Variants in GRAMD2B observed in about 807,000 individuals in gnomAD.
GRAMD2B encodes GRAM domain containing 2B.
GRAMD2B carries 41 observed loss-of-function variants against 59.2 expected under a neutral mutation model. The observed-to-expected ratio is 0.69, with a 90% CI of 0.54 to 0.90. The LOEUF (loss-of-function observed/expected upper bound fraction) is 0.90, where lower values mean the gene tolerates loss of function less well. GRAMD2B is among the 40% of genes least tolerant of loss of function. GRAMD2B has a pLI of 0.00. For synonymous variants in GRAMD2B, 161 were observed against 182.7 expected (o/e 0.88, Z 0.96); for missense variants, 424 against 500.5 (o/e 0.85, Z 1.46).
chr5:126,491,998 G>T (rs2126995431), intron 13 of GRAMD2B, among the ~76,000 whole-genome samples: 1 of 152,328 alleles, frequency 6.6e-6, no homozygotes, highest in East Asian at 1.9e-4. Flanking sequence ...CTCCCAAAGT[G>T]CTGGGATTAC....
At chr5:126,371,898 C>T (rs1387160667) in intron 1 of GRAMD2B, among the ~76,000 whole-genome samples, 1 of 152,086 alleles carries the variant, frequency 6.6e-6, no homozygotes, top group Non-Finnish European at 1.5e-5. Context: ...GAAAACAAAT[C>T]GTTGAACCCC....
upstream of GRAMD2B, among the ~76,000 whole-genome samples, chr5:126,419,912 G>T (rs559995952): frequency 2.0e-5 from 3 of 152,020 alleles, no homozygotes; most frequent in Admixed American, 2.0e-4. Context: ...AAAATTAGCT[G>T]GGCGTGGTGG....
chr5:126,477,756 A>C lies in GRAMD2B; in HGVS notation c.551A>C (p.Asn184Thr), dbSNP rs753268269. The C allele has an allele frequency of 6.2e-7, 1 of 1,611,934 alleles. No homozygotes were observed. The highest frequency in any genetic ancestry group is 1.3e-5 in the African/African-American group (1 of 74,818). The part of the protein sequence containing the change: ...KKTKTALLVP[N>T]ALIIATVTDR... ...ACCAAAACTGCTCTTCTAGTGCCAA[A>C]CGCCCTGATCATAGCAACAGTCACA... The change falls in exon 6 of 14, where the codon AAC becomes ACC. Residue 184 changes from asparagine (N) to threonine (T), a missense_variant. Coordinates refer to ENST00000285689, the MANE Select transcript of GRAMD2B (RefSeq NM_023927.4).
chr5:126,363,958 C>G (rs1449732458), intron 1 of GRAMD2B, among the ~76,000 whole-genome samples: 2 of 152,002 alleles, frequency 1.3e-5, no homozygotes, highest in Non-Finnish European at 2.9e-5. Context: ...ACACTTCGAA[C>G]AAGTGAACTT....
In GRAMD2B at chr5:126,464,898, T is replaced by TA. The variant is rs200636682; in HGVS notation, c.84-524dup. Among the ~76,000 whole-genome samples the TA allele has an allele frequency of 7.5e-3, 1,148 of 152,240 alleles. 6 individuals carry two copies. The highest frequency in any genetic ancestry group is 0.026 in the African/African-American group (1,081 of 41,540). On this transcript the variant is annotated intron_variant, in intron 1 of 13. Transcript: ENST00000285689. ...GCAAGAGCCTCAGATTCCTCATCTG[T>TA]AAAATGAGGGTAGTAATTCCTACCT...
At chr5:126,468,869 T>G (rs981329518) in intron 2 of GRAMD2B, among the ~76,000 whole-genome samples, 2 of 152,150 alleles carry the variant, frequency 1.3e-5, no homozygotes, top group Non-Finnish European at 2.9e-5. Flanking sequence ...TTTTTTTTGG[T>G]GCTAAATCAT....
intron 1 of GRAMD2B, among the ~76,000 whole-genome samples, chr5:126,415,132 G>A (rs1196545276): frequency 1.3e-5 from 2 of 152,150 alleles, no homozygotes; most frequent in Admixed American, 6.5e-5. Context: ...CCAGCCTAGA[G>A]CCTGTTCTAA....
chr5:126,369,521 G>T (rs550892929), upstream of GRAMD2B, among the ~76,000 whole-genome samples: 6 of 152,056 alleles, frequency 3.9e-5, no homozygotes, highest in African/African-American at 1.2e-4. Flanking sequence ...CCTTTCTATC[G>T]CTTTTATTTT....
At chr5:126,366,607 C>A (rs576346359), upstream of GRAMD2B, among the ~76,000 whole-genome samples, 71 of 152,246 alleles carry the variant, frequency 4.7e-4, no homozygotes, top group Middle Eastern at 0.024. Context: ...CCCATTTTTA[C>A]AAAAGCTCAG....
intron 1 of GRAMD2B, among the ~76,000 whole-genome samples, chr5:126,406,807 T>C (rs549918375): frequency 6.6e-6 from 1 of 152,102 alleles, no homozygotes; most frequent in African/African-American, 2.4e-5. Context: ...TTCTTTCTTC[T>C]AGAGAAAAAT....
intron 1 of GRAMD2B, among the ~76,000 whole-genome samples, chr5:126,372,694 G>A (rs1407154271): frequency 2.0e-5 from 3 of 152,012 alleles, no homozygotes; most frequent in Non-Finnish European, 2.9e-5. Flanking sequence ...AGTTGAGCAA[G>A]GGTATAATTC....
upstream of GRAMD2B, among the ~76,000 whole-genome samples, chr5:126,367,432 T>A (rs1754507400): frequency 2.1e-5 from 3 of 140,684 alleles, no homozygotes; most frequent in Admixed American, 7.1e-5. Context: ...CTGTAAAAAC[T>A]GGAGGAGGAG....
rs771731862 is a variant in GRAMD2B at position 126,492,920 on chromosome 5, A to C, written c.1263A>C (p.Gln421His). 3.7e-6 allele frequency: 6 copies of C among 1,606,460 alleles called. No individual in the cohort carries two copies. The highest frequency in any genetic ancestry group is 5.1e-6 in the Non-Finnish European group (6 of 1,173,176). ...TTCTTTTCTTTTATTTCAAGATACA[A>C]AATAACTTACAGAAGTTGCTTGAGA... ...TANIVKLEKI[Q>H]NNLQKLLENG... The change falls in exon 14 of 14, where the codon CAA becomes CAC. Residue 421 changes from glutamine to histidine, a missense_variant. Gln to His is a conservative substitution (Grantham distance 24, BLOSUM62 0). Transcript: ENST00000285689.
intron 1 of GRAMD2B, among the ~76,000 whole-genome samples, chr5:126,413,501 G>C (rs1260505729): frequency 2.0e-5 from 3 of 151,700 alleles, no homozygotes; most frequent in African/African-American, 7.3e-5. Context: ...TTAATTTATT[G>C]AGACTGAACA....
At chr5:126,429,568 A>G (rs1761219517) in intron 1 of GRAMD2B, among the ~76,000 whole-genome samples, 1 of 152,180 alleles carries the variant, frequency 6.6e-6, no homozygotes, top group Admixed American at 6.5e-5. Context: ...AAAGAAATGT[A>G]CTTCACCTAG....
intron 10 of GRAMD2B, among the ~76,000 whole-genome samples, chr5:126,484,765 G>T (rs934636738): frequency 1.4e-4 from 21 of 152,092 alleles, no homozygotes; most frequent in Non-Finnish European, 2.6e-4. Flanking sequence ...TGTATTTTTA[G>T]TAGAGACAGG....
intron 1 of GRAMD2B, among the ~76,000 whole-genome samples, chr5:126,464,004 G>A (rs1348518101): frequency 3.3e-5 from 5 of 151,866 alleles, no homozygotes; most frequent in Non-Finnish European, 7.4e-5. Context: ...CTCCAGCCTG[G>A]GCAACCAGAG....
At chr5:126,468,406 A>G (rs1466884977) in intron 2 of GRAMD2B, among the ~76,000 whole-genome samples, 1 of 152,074 alleles carries the variant, frequency 6.6e-6, no homozygotes, top group Non-Finnish European at 1.5e-5. Flanking sequence ...CTCATACCCA[A>G]TTCTTGCTTA....
At chr5:126,367,461 G>GAGA (rs1433455382), upstream of GRAMD2B, among the ~76,000 whole-genome samples, 1 of 151,458 alleles carries the variant, frequency 6.6e-6, no homozygotes, top group African/African-American at 2.4e-5. Flanking sequence ...GGAGGAGGAG[G>GAGA]AGGAGGAGGA....
Sources: gnomAD v4.1 joint callset for allele counts (sites outside exome capture counted in the v4.1 genomes callset) on GRCh38, gnomAD v4.1.1 for gene constraint, MANE v1.5 for transcripts, NCBI Gene and HGNC (gene_info 2026-07-23, HGNC 2026-07-21) for gene names.